The following GPC5 variants were observed in gnomAD, a reference collection of about 807,000 sequenced individuals.
GPC5 encodes glypican-5.
Under a neutral mutation model 53.9 loss-of-function variants are expected in GPC5, and 47 were observed. The observed-to-expected ratio is 0.87, with a 90% confidence interval of 0.69 to 1.11. The LOEUF (loss-of-function observed/expected upper bound fraction) is 1.11. Ranked by LOEUF, GPC5 falls within the 50% of genes most tolerant of loss-of-function variation. The pLI is 0.00. For synonymous variants in GPC5, 286 were observed against 263.3 expected (o/e 1.09, Z -0.84); for missense variants, 748 against 713.1 (o/e 1.05, Z -0.56).
chr13:92,261,452 C>G (rs976915359), intron 7 of GPC5, among the ~76,000 whole-genome samples: 17 of 151,906 alleles, frequency 1.1e-4, no homozygotes, highest in African/African-American at 4.1e-4. Flanking sequence ...GGATTGGTAG[C>G]TCTTGGTGTA....
At chr13:91,696,832 T>G (rs2035889030) in intron 3 of GPC5, among the ~76,000 whole-genome samples, 1 of 152,366 alleles carries the variant, frequency 6.6e-6, no homozygotes, top group African/African-American at 2.4e-5. Context: ...TGTGATTTTA[T>G]TAAGACAAAG....
chr13:92,033,149 T>C (rs2040867301), intron 6 of GPC5, among the ~76,000 whole-genome samples: 1 of 151,944 alleles, frequency 6.6e-6, no homozygotes, highest in Non-Finnish European at 1.5e-5. Flanking sequence ...GGATCATTTG[T>C]TTATATCTCA....
chr13:92,151,641 G>A (rs1421659824), intron 7 of GPC5, among the ~76,000 whole-genome samples: 1 of 152,118 alleles, frequency 6.6e-6, no homozygotes, highest in East Asian at 1.9e-4. Flanking sequence ...TCCTTTTGCA[G>A]GGCCTGACGC....
At chr13:92,025,696 T>C (rs376909792) in intron 6 of GPC5, among the ~76,000 whole-genome samples, 24 of 152,302 alleles carry the variant, frequency 1.6e-4, no homozygotes, top group South Asian at 6.2e-4. Flanking sequence ...CCATCGTCTT[T>C]GGTGTAGTAT....
At position 91,825,701 on chromosome 13, in the gene GPC5, G is replaced by A. The variant is rs1320868080; in HGVS notation, c.1280+69281G>A. Among the ~76,000 whole-genome samples, 7 of 151,994 alleles carry A rather than the reference G, an allele frequency of 4.6e-5. 1 individual carries two copies. Among genetic ancestry groups the A allele is most frequent in the East Asian group, 1.9e-4 (1 of 5,192 alleles). On this transcript the variant is annotated intron_variant, in intron 5 of 7. Transcript: ENST00000377067. ...GTGGCTTTTTGTCAGAGGATGCTCC[G>A]GACTCACGTGATACCAGTTGGCTGG... is the stretch of plus-strand genomic sequence containing the variant.
chr13:92,860,457 C>A (rs1432155147), intron 7 of GPC5, among the ~76,000 whole-genome samples: 5 of 152,020 alleles, frequency 3.3e-5, no homozygotes, highest in African/African-American at 1.2e-4. Flanking sequence ...CTCAACTGAC[C>A]CAACATACTG....
intron 2 of GPC5, among the ~76,000 whole-genome samples, chr13:91,458,640 T>G (rs1881720523): frequency 1.3e-5 from 2 of 152,126 alleles, no homozygotes; most frequent in Non-Finnish European, 2.9e-5. Flanking sequence ...GGGGCACTTT[T>G]ACACTACTGG....
chr13:92,360,893 G>T (rs550494505), intron 7 of GPC5, among the ~76,000 whole-genome samples: 1 of 151,744 alleles, frequency 6.6e-6, no homozygotes, highest in East Asian at 1.9e-4. Flanking sequence ...AATAAATAGC[G>T]TATGTTACAA....
At chr13:92,545,094 G>A (rs538108456) in intron 7 of GPC5, among the ~76,000 whole-genome samples, 28 of 151,404 alleles carry the variant, frequency 1.8e-4, no homozygotes, top group South Asian at 6.3e-4. Flanking sequence ...AACAGGCCCC[G>A]GTGTGTGATG....
rs528280048 is a variant in GPC5, at chr13:91,830,753, CAT to C, written c.1280+74342_1280+74343del. ...GTGTATATATGTATATAAATATACA[CAT>C]ATATATATCCTATTATATATAAAAT... On this transcript the variant is annotated intron_variant, in intron 5 of 7. Transcript: ENST00000377067. Among the ~76,000 whole-genome samples, 376 of 138,658 alleles carry C rather than the reference CAT, an allele frequency of 2.7e-3. 3 individuals carry two copies. The highest frequency in any genetic ancestry group is 9.0e-3 in the African/African-American group (339 of 37,544). The allele number at this position is 138,658 out of a possible 152,430, so 91.0% of individuals were successfully genotyped here.
chr13:92,169,567 C>T (rs960902305), intron 7 of GPC5, among the ~76,000 whole-genome samples: 6 of 152,110 alleles, frequency 3.9e-5, no homozygotes, highest in Non-Finnish European at 8.8e-5. Context: ...TTGGATACTA[C>T]AAATCTTTAC....
chr13:91,725,512 C>T (rs369692953), intron 3 of GPC5, among the ~76,000 whole-genome samples: 2 of 152,122 alleles, frequency 1.3e-5, no homozygotes, highest in Non-Finnish European at 2.9e-5. Flanking sequence ...TAATCTCCCT[C>T]ATAGCAAGTC....
At chr13:92,397,517 C>T (rs1170178001) in intron 7 of GPC5, among the ~76,000 whole-genome samples, 2 of 152,164 alleles carry the variant, frequency 1.3e-5, no homozygotes, top group Non-Finnish European at 2.9e-5. Flanking sequence ...AGCGTGAAAA[C>T]GGACTAATAC....
chr13:92,468,793 G>C (rs1205046826), intron 7 of GPC5, among the ~76,000 whole-genome samples: 1 of 152,062 alleles, frequency 6.6e-6, no homozygotes, highest in Admixed American at 6.6e-5. Context: ...CTCTAGCCAA[G>C]AATTTCCCAC....
chr13:92,242,558 T>C (rs2139117718), intron 7 of GPC5, among the ~76,000 whole-genome samples: 1 of 152,144 alleles, frequency 6.6e-6, no homozygotes, highest in South Asian at 2.1e-4. Flanking sequence ...TACCAAAAGC[T>C]ATCCAGCTAC....
At chr13:92,012,202 A>G (rs1238922851) in intron 6 of GPC5, among the ~76,000 whole-genome samples, 1 of 152,196 alleles carries the variant, frequency 6.6e-6, no homozygotes, top group African/African-American at 2.4e-5. Flanking sequence ...ATTTTTCAAC[A>G]TCCTCATTTG....
At chr13:91,791,812 A>G (rs757398282) in intron 5 of GPC5, among the ~76,000 whole-genome samples, 1 of 152,162 alleles carries the variant, frequency 6.6e-6, no homozygotes, top group Non-Finnish European at 1.5e-5. Flanking sequence ...AGATCTGAAT[A>G]TGGTTACTCA....
At chr13:92,751,313 A>AC (rs1889388161) in intron 7 of GPC5, among the ~76,000 whole-genome samples, 1 of 140,728 alleles carries the variant, frequency 7.1e-6, no homozygotes, top group African/African-American at 2.8e-5. Flanking sequence ...TAAAAAAAAA[A>AC]AAAAAAAAAA....
At chr13:92,759,731 T>C (rs1037309348) in intron 7 of GPC5, among the ~76,000 whole-genome samples, 1 of 152,094 alleles carries the variant, frequency 6.6e-6, no homozygotes, top group Non-Finnish European at 1.5e-5. Flanking sequence ...TTACTCTTGA[T>C]AGTATTTCCA....
Sources: gnomAD v4.1 joint callset for allele counts (sites outside exome capture counted in the v4.1 genomes callset) on GRCh38, gnomAD v4.1.1 for gene constraint, MANE v1.5 for transcripts, NCBI Gene and HGNC (gene_info 2026-07-23, HGNC 2026-07-21) for gene names.